Variants in PDE1C observed in about 807,000 individuals in gnomAD.
The protein encoded by PDE1C is dual specificity calcium/calmodulin-dependent 3',5'-cyclic nucleotide phosphodiesterase 1C.
Under a neutral mutation model 93.1 loss-of-function variants are expected in PDE1C, and 62 were observed. The observed-to-expected ratio is 0.67, with a 90% CI of 0.54 to 0.82. PDE1C has a LOEUF of 0.82. Among genes scored for constraint, PDE1C ranks in the 40% least tolerant of loss-of-function variants. The pLI is 0.00. For missense variants in PDE1C, 742 were observed against 884.6 expected (o/e 0.84, Z 2.04); for synonymous variants, 325 against 310.1 (o/e 1.05, Z -0.50).
chr7:32,394,690 G>T (rs1333090456), intron 1 of PDE1C, among the ~76,000 whole-genome samples: 1 of 152,068 alleles, frequency 6.6e-6, no homozygotes, highest in East Asian at 1.9e-4. Context: ...CACCTATAGT[G>T]CCAGCTAATC....
At chr7:32,202,851 A>C (rs1805118786) in intron 2 of PDE1C, among the ~76,000 whole-genome samples, 1 of 152,166 alleles carries the variant, frequency 6.6e-6, no homozygotes, top group Admixed American at 6.5e-5. Context: ...AAAACTTAAC[A>C]TGAGAGCTAT....
chr7:32,227,499 T>C (rs1374594728), intron 1 of PDE1C, among the ~76,000 whole-genome samples: 1 of 152,158 alleles, frequency 6.6e-6, no homozygotes, highest in Non-Finnish European at 1.5e-5. Context: ...TTCACACCTG[T>C]ATTCCTAGCA....
chr7:31,824,342 G>T (rs1403729698), intron 13 of PDE1C, among the ~76,000 whole-genome samples: 2 of 152,084 alleles, frequency 1.3e-5, no homozygotes, highest in Non-Finnish European at 2.9e-5. Flanking sequence ...TTCTCAGATG[G>T]GGGAAGTGAG....
At chr7:31,651,828 C>A in the PDE1C span, 1 of 651,276 alleles carries the variant, frequency 1.5e-6, no homozygotes, top group Non-Finnish European at 2.6e-6. Context: ...ATAAAGATGA[C>A]ATTCTCTTTT....
intron 1 of PDE1C, among the ~76,000 whole-genome samples, chr7:32,393,761 T>A (rs946935979): frequency 2.0e-5 from 3 of 152,232 alleles, no homozygotes; most frequent in African/African-American, 7.2e-5. Context: ...TTTAAAAATA[T>A]ATCCTTATGC....
At chr7:32,416,378 C>T (rs115318669) in intron 1 of PDE1C, among the ~76,000 whole-genome samples, 11 of 152,184 alleles carry the variant, frequency 7.2e-5, no homozygotes, top group Non-Finnish European at 1.6e-4. Context: ...GCCATCCCCC[C>T]TCCCTGTTCC....
At chr7:31,771,316 G>C (rs756433634) in intron 17 of PDE1C, among the ~76,000 whole-genome samples, 7 of 152,156 alleles carry the variant, frequency 4.6e-5, no homozygotes, top group Non-Finnish European at 8.8e-5. Context: ...CACAGCAGCT[G>C]TGTTATTTTA....
chr7:31,719,467 G>A, the PDE1C span, among the ~76,000 whole-genome samples: 1 of 152,214 alleles, frequency 6.6e-6, no homozygotes, highest in Non-Finnish European at 1.5e-5. Flanking sequence ...TTGCAGCGCA[G>A]TCTATGTTGT....
At chr7:31,797,387 A>G (rs970721109) in intron 16 of PDE1C, among the ~76,000 whole-genome samples, 2 of 151,808 alleles carry the variant, frequency 1.3e-5, no homozygotes, top group African/African-American at 4.8e-5. Context: ...CCTTTGAGAC[A>G]GAAACAAGTT....
chr7:32,345,947 T>A (rs942583536), intron 1 of PDE1C, among the ~76,000 whole-genome samples: 1 of 152,214 alleles, frequency 6.6e-6, no homozygotes, highest in Non-Finnish European at 1.5e-5. Flanking sequence ...TCTTAACAAG[T>A]TAAATACAAA....
chr7:31,747,124 G>A (rs1794023736), downstream of PDE1C, among the ~76,000 whole-genome samples: 1 of 152,172 alleles, frequency 6.6e-6, no homozygotes, highest in Non-Finnish European at 1.5e-5. Context: ...TTGGATGACA[G>A]GAGCATGGTT....
chr7:31,916,915 T>A (rs1801997630), intron 2 of PDE1C, among the ~76,000 whole-genome samples: 1 of 152,170 alleles, frequency 6.6e-6, no homozygotes, highest in Non-Finnish European at 1.5e-5. Context: ...AAGTGAAATG[T>A]ATGGATTTGA....
intron 2 of PDE1C, among the ~76,000 whole-genome samples, chr7:31,967,972 G>C (rs1810295078): frequency 6.6e-6 from 1 of 152,144 alleles, no homozygotes; most frequent in Admixed American, 6.5e-5. Flanking sequence ...AATAATAAGA[G>C]CTGTCTATGA....
At chr7:32,072,028 A>T (rs1000277189), upstream of PDE1C, among the ~76,000 whole-genome samples, 2 of 152,230 alleles carry the variant, frequency 1.3e-5, no homozygotes, top group Non-Finnish European at 2.9e-5. Flanking sequence ...TCCCAAAAGC[A>T]TGATAAACTT....
At chr7:32,199,282 G>T (rs1192806866) in intron 2 of PDE1C, among the ~76,000 whole-genome samples, 1 of 151,758 alleles carries the variant, frequency 6.6e-6, no homozygotes, top group Non-Finnish European at 1.5e-5. Flanking sequence ...TTATTTTCCT[G>T]ATTGAAACTG....
intron 7 of PDE1C, among the ~76,000 whole-genome samples, chr7:31,854,976 A>G (rs1407585733): frequency 1.3e-5 from 2 of 148,980 alleles, no homozygotes; most frequent in Non-Finnish European, 3.0e-5. Context: ...CTGAGGCAGG[A>G]GAATCACTTG....
intron 2 of PDE1C, among the ~76,000 whole-genome samples, chr7:32,036,778 A>T (rs529236897): frequency 1.3e-5 from 2 of 152,290 alleles, no homozygotes; most frequent in South Asian, 4.1e-4. Context: ...GAATATCCCT[A>T]TACCTATTAA....
intron 3 of PDE1C, among the ~76,000 whole-genome samples, chr7:32,100,972 C>T (rs73689030): frequency 0.012 from 1,853 of 151,674 alleles, 36 homozygotes; most frequent in African/African-American, 0.042. Flanking sequence ...GTAGATCAGA[C>T]CCATTGAATG....
the PDE1C span, among the ~76,000 whole-genome samples, chr7:31,710,570 G>A: frequency 6.6e-6 from 1 of 152,194 alleles, no homozygotes; most frequent in Non-Finnish European, 1.5e-5. Context: ...AACAAGGATA[G>A]ACTGAGATCC....
Sources: allele counts gnomAD v4.1 joint callset (sites outside exome capture counted in the v4.1 genomes callset), GRCh38; gene constraint gnomAD v4.1.1; transcripts MANE v1.5; gene names NCBI Gene and HGNC (gene_info 2026-07-23, HGNC 2026-07-21).